Variants in LINGO1 observed in about 807,000 individuals in gnomAD.
LINGO1 encodes the protein leucine-rich repeat and immunoglobulin-like domain-containing nogo receptor-interacting protein 1.
A neutral mutation model predicts 37.3 loss-of-function variants in LINGO1; 11 were observed. The observed-to-expected ratio is 0.29, with a 90% CI of 0.19 to 0.49. The LOEUF (loss-of-function observed/expected upper bound fraction) is 0.49. Ranked by LOEUF, LINGO1 falls within the 20% of genes least tolerant of loss-of-function variation. The pLI is 0.99. For synonymous variants in LINGO1, 387 were observed against 403.0 expected, an observed-to-expected ratio of 0.96 and a Z score of 0.48; for missense variants, 585 against 878.2, an observed-to-expected ratio of 0.67 and a Z score of 4.22.
intron 1 of LINGO1, among the ~76,000 whole-genome samples, chr15:77,744,166 A>G (rs983993088): frequency 5.9e-5 from 9 of 152,350 alleles, no homozygotes; most frequent in African/African-American, 2.2e-4. Context: ...GGAGCAGAGG[A>G]AAGAGCATAG....
At chr15:77,624,489 T>C (rs528588994) in intron 1 of LINGO1, among the ~76,000 whole-genome samples, 31 of 152,234 alleles carry the variant, frequency 2.0e-4, no homozygotes, top group Non-Finnish European at 2.9e-4. Context: ...GGCACAGCCA[T>C]CTCGAGAGCT....
At chr15:77,741,342 C>T (rs1567557440) in intron 1 of LINGO1, among the ~76,000 whole-genome samples, 1 of 152,232 alleles carries the variant, frequency 6.6e-6, no homozygotes, top group Non-Finnish European at 1.5e-5. Flanking sequence ...TTACACTGTC[C>T]TGAGAGGCTG....
chr15:77,743,273 G>A (rs1195037657), intron 1 of LINGO1, among the ~76,000 whole-genome samples: 1 of 152,110 alleles, frequency 6.6e-6, no homozygotes, highest in Non-Finnish European at 1.5e-5. Flanking sequence ...AACCCACTCT[G>A]CTTGGCACAA....
intron 1 of LINGO1, among the ~76,000 whole-genome samples, chr15:77,624,523 G>T (rs1259497414): frequency 1.3e-5 from 2 of 152,212 alleles, no homozygotes; most frequent in African/African-American, 4.8e-5. Flanking sequence ...CCAGCTCGCA[G>T]CCCCTGGCCA....
chr15:77,710,183 C>T (rs756988539), intron 2 of LINGO1, among the ~76,000 whole-genome samples: 1 of 152,244 alleles, frequency 6.6e-6, no homozygotes, highest in South Asian at 2.1e-4. Context: ...CACCAACACC[C>T]GGCACTCAGC....
rs111255460 is a variant in LINGO1, at chr15:77,695,296, T to A, written c.-281+1095A>T. Among the ~76,000 whole-genome samples, 336 of 151,018 alleles carry A rather than the reference T, an allele frequency of 2.2e-3. 3 individuals are homozygous for A. Among genetic ancestry groups the A allele is most frequent in the African/African-American group, 7.6e-3 (310 of 41,046 alleles). On this transcript the variant is annotated intron_variant, in intron 1 of 3. Transcript: ENST00000559893. The stretch of plus-strand genomic sequence containing the variant: ...GTGAGCAGATGGGGTGGGCAGGGGG[T>A]GGCAGAGAGAGGCAGCAGTTATGGG...
intron 1 of LINGO1, among the ~76,000 whole-genome samples, chr15:77,751,293 T>A (rs566955626): frequency 2.2e-3 from 335 of 152,326 alleles, no homozygotes; most frequent in Middle Eastern, 0.01. Context: ...CAGGGTGCCT[T>A]GACCTGTGCC....
At chr15:77,732,029 C>T (rs1050163702) in intron 2 of LINGO1, among the ~76,000 whole-genome samples, 2 of 152,240 alleles carry the variant, frequency 1.3e-5, no homozygotes, top group Non-Finnish European at 2.9e-5. Context: ...ACAATCACAA[C>T]TCCACTGACA....
chr15:77,615,884 A>G lies in LINGO1; in HGVS notation c.23T>C (p.Leu8Pro). 6.8e-7 allele frequency: 1 copy of G among 1,471,294 alleles called. No homozygotes were observed. Among genetic ancestry groups the G allele is most frequent in the Non-Finnish European group, 8.9e-7 (1 of 1,117,546 alleles). The allele number at this position is 1,471,294 out of a possible 1,614,324, so 91.1% of individuals were successfully genotyped here. ...GGGCATGCTCCTCACGCCCCCCGCCAGCATCCTCTTGCTCACCTGCAGCCG... is the reference window on the plus strand; with the variant it reads ...GGGCATGCTCCTCACGCCCCCCGCCGGCATCCTCTTGCTCACCTGCAGCCG... MQVSKRM[L>P]AGGVRSMPSP... The change falls in exon 2 of 2, where the codon CTG (leucine) becomes CCG (proline). Residue 8 changes from leucine to proline, a missense_variant. This residue lies in a region of LINGO1 where 65 missense variants were observed against 57.0 expected (regional missense o/e 1.14). Coordinates refer to ENST00000355300, the MANE Select transcript of LINGO1 (RefSeq NM_032808.7).
intron 1 of LINGO1, among the ~76,000 whole-genome samples, chr15:77,779,169 C>T (rs2076690783): frequency 6.6e-6 from 1 of 152,112 alleles, no homozygotes; most frequent in Non-Finnish European, 1.5e-5. Flanking sequence ...GCTGACATTT[C>T]CTTTCCCCAC....
At chr15:77,708,070 G>A (rs1447685600) in intron 2 of LINGO1, among the ~76,000 whole-genome samples, 1 of 152,220 alleles carries the variant, frequency 6.6e-6, no homozygotes, top group Non-Finnish European at 1.5e-5. Flanking sequence ...AGTTCTTCCT[G>A]TGTAATGAGA....
chr15:77,762,145 G>A (rs957977958), intron 1 of LINGO1, among the ~76,000 whole-genome samples: 9 of 152,216 alleles, frequency 5.9e-5, no homozygotes, highest in African/African-American at 2.2e-4. Context: ...ACAAGGAGAG[G>A]CAGAGGCAGC....
chr15:77,804,994 C>G (rs553571213), intron 1 of LINGO1, among the ~76,000 whole-genome samples: 2 of 152,338 alleles, frequency 1.3e-5, no homozygotes, highest in South Asian at 4.1e-4. Flanking sequence ...CCCAACTGCT[C>G]CTGACCCCTC....
intron 1 of LINGO1, among the ~76,000 whole-genome samples, chr15:77,740,720 G>C (rs777570877): frequency 6.6e-6 from 1 of 152,154 alleles, no homozygotes; most frequent in Non-Finnish European, 1.5e-5. Flanking sequence ...CAAAGATTTG[G>C]ATAGTAGGGT....
chr15:77,781,971 G>T (rs1257914983), intron 1 of LINGO1, among the ~76,000 whole-genome samples: 1 of 152,202 alleles, frequency 6.6e-6, no homozygotes, highest in Non-Finnish European at 1.5e-5. Context: ...AAGCAGCCTG[G>T]GGGTTGGGGA....
At chr15:77,739,548 A>G (rs1290973883) in intron 1 of LINGO1, among the ~76,000 whole-genome samples, 1 of 151,586 alleles carries the variant, frequency 6.6e-6, no homozygotes, top group Non-Finnish European at 1.5e-5. Flanking sequence ...AGGTTAAAAT[A>G]CCCCTTTCTC....
intron 3 of LINGO1, chr15:77,667,794 G>A (rs1000250419): frequency 6.6e-6 from 1 of 152,134 alleles, no homozygotes; most frequent in African/African-American, 2.4e-5. Flanking sequence ...AGCGCCCTAG[G>A]GTCATCTCTC....
intron 1 of LINGO1, among the ~76,000 whole-genome samples, chr15:77,625,232 G>A (rs1356753013): frequency 2.0e-5 from 3 of 152,200 alleles, no homozygotes; most frequent in Non-Finnish European, 2.9e-5. Flanking sequence ...ACTAGCCTGG[G>A]ATTTGGGATT....
intron 2 of LINGO1, among the ~76,000 whole-genome samples, chr15:77,705,174 G>GACACACACACAC (rs72451354): frequency 5.1e-4 from 51 of 99,126 alleles, no homozygotes; most frequent in African/African-American, 9.1e-4. Context: ...CCCCTGCCAT[G>GACACACACACAC]ACACACACAC....
Sources: allele counts gnomAD v4.1 joint callset (sites outside exome capture counted in the v4.1 genomes callset), GRCh38; gene constraint gnomAD v4.1.1; regional missense constraint gnomAD v4.1.1; transcripts MANE v1.5; gene names NCBI Gene and HGNC (gene_info 2026-07-23, HGNC 2026-07-21).